PAK6: variants seen among roughly 807,000 people sequenced by gnomAD.
PAK6 encodes the protein p21 (RAC1) activated kinase 6, also known as serine/threonine-protein kinase PAK 6.
A neutral mutation model predicts 60.8 loss-of-function variants in PAK6; 33 were observed. The ratio of observed to expected loss-of-function variants is 0.54; its 90% confidence interval spans 0.41 to 0.73. The LOEUF is 0.73. Among genes scored for constraint, PAK6 ranks in the 30% least tolerant of loss-of-function variants. The probability of loss-of-function intolerance (pLI) is 0.00; values close to 1 mark genes in which losing one functional copy is unlikely to be tolerated. For missense variants in PAK6, 845 were observed against 904.1 expected (o/e 0.93, Z 0.84); for synonymous variants, 404 against 378.5 (o/e 1.07, Z -0.78).
intron 2 of PAK6, chr15:40,252,839 G>A (rs2038722446): frequency 7.8e-7 from 1 of 1,282,686 alleles, no homozygotes. Context: ...GGAGCTCCGC[G>A]TCCCTGGAGC....
chr15:40,249,640 T>A (rs986881939), intron 2 of PAK6, among the ~76,000 whole-genome samples: 1 of 152,244 alleles, frequency 6.6e-6, no homozygotes, highest in Non-Finnish European at 1.5e-5. Context: ...TTTCAAGTCA[T>A]GGAGCAGAAA....
At chr15:40,264,344 T>C (rs1847382829) in intron 3 of PAK6, 1 of 409,598 alleles carries the variant, frequency 2.4e-6, no homozygotes, top group African/African-American at 2.1e-5. Context: ...TTTCTTGCAC[T>C]CTCCTTATCT....
intron 3 of PAK6, chr15:40,263,755 C>T (rs143034395): frequency 1.8e-5 from 7 of 380,374 alleles, no homozygotes; most frequent in African/African-American, 1.0e-4. Flanking sequence ...TCCGGGACTA[C>T]AGGCACGTGC....
chr15:40,248,705 G>C (rs2038567758), intron 2 of PAK6, among the ~76,000 whole-genome samples: 1 of 151,476 alleles, frequency 6.6e-6, no homozygotes, highest in Admixed American at 6.6e-5. Context: ...GTGTTACACA[G>C]AAATAGGAAG....
intron 3 of PAK6, among the ~76,000 whole-genome samples, chr15:40,255,738 A>G (rs999608056): frequency 9.2e-5 from 14 of 152,144 alleles, no homozygotes; most frequent in Admixed American, 9.2e-4. Flanking sequence ...CCACACAAGG[A>G]TCAGCGAGGG....
chr15:40,274,240 G>A (rs375706027), exon 10 of PAK6: 6 of 1,612,574 alleles, frequency 3.7e-6, no homozygotes, highest in Non-Finnish European at 5.1e-6. Flanking sequence ...AGAGGCTCCG[G>A]GACAGCCCCC....
In PAK6 at chr15:40,248,718, A is replaced by G. The variant is rs774486228; in HGVS notation, c.-117-4460A>G. Among the ~76,000 whole-genome samples, 7 of 149,498 alleles carry G rather than the reference A, an allele frequency of 4.7e-5. No individual in the cohort carries two copies. The East Asian group carries it at 6.0e-4, about 13-fold the overall frequency. On this transcript the variant is annotated intron_variant, in intron 2 of 10. Transcript: ENST00000560346. ...GCGTGTTACACAGAAATAGGAAGGG[A>G]CGGTCCTCCTACCCGCACCCCAGCC...
rs202073596 is a variant in PAK6, at chr15:40,266,010, G to A, written c.373G>A (p.Asp125Asn). 4.1e-5 allele frequency: 65 copies of A among 1,600,850 alleles called. 1 individual carries two copies. The highest frequency in any genetic ancestry group is 2.9e-4 in the Admixed American group (17 of 58,142). The change falls in exon 5 of 11, where the codon GAC (aspartate) becomes AAC (asparagine). Residue 125 changes from aspartate (D) to asparagine (N), a missense_variant. Asp to Asn is a conservative substitution (Grantham distance 23). Coordinates refer to ENST00000560346, the Ensembl canonical transcript of PAK6. ...GCTGGGGGATGAGCACTGGGCCACC[G>A]ACCCAGACATGTACCTCCAGAGCCC...
intron 1 of PAK6, among the ~76,000 whole-genome samples, chr15:40,240,335 C>T (rs1030486051): frequency 4.6e-5 from 7 of 152,206 alleles, no homozygotes; most frequent in Non-Finnish European, 1.0e-4. Context: ...ATGATCAGGA[C>T]CCAGCGGGTG....
chr15:40,276,175 CTCCTCCTCTCAGTAT>C, exon 11 of PAK6: 1 of 1,283,668 alleles, frequency 7.8e-7, no homozygotes, highest in Non-Finnish European at 1.1e-6. Context: ...ACTTGCCTGC[CTCCTCCTCTCAGTAT>C]TCTCTCCAAA....
chr15:40,272,293 C>T, exon 6 of PAK6: 1 of 1,613,996 alleles, frequency 6.2e-7, no homozygotes, highest in Admixed American at 1.7e-5. Flanking sequence ...CCAGTCCTTG[C>T]CCTCGGACCA....
intron 2 of PAK6, chr15:40,252,291 G>C (rs969896778): frequency 2.5e-6 from 3 of 1,221,588 alleles, no homozygotes; most frequent in Non-Finnish European, 3.1e-6. Flanking sequence ...GCGCTCAGCT[G>C]ATTCTCCAGG....
intron 2 of PAK6, among the ~76,000 whole-genome samples, chr15:40,249,925 T>C (rs543560142): frequency 6.6e-6 from 1 of 152,332 alleles, no homozygotes; most frequent in African/African-American, 2.4e-5. Context: ...GTTTTGGGTG[T>C]CTCTTCCAGA....
At chr15:40,262,927 A>C (rs773078878) in intron 3 of PAK6, among the ~76,000 whole-genome samples, 2 of 152,182 alleles carry the variant, frequency 1.3e-5, no homozygotes, top group Admixed American at 6.5e-5. Context: ...CAACTCACAC[A>C]GGTTGTTTTA....
At chr15:40,265,460 C>T (rs2039098517) in intron 4 of PAK6, among the ~76,000 whole-genome samples, 1 of 152,174 alleles carries the variant, frequency 6.6e-6, no homozygotes, top group East Asian at 1.9e-4. Flanking sequence ...GAGCCCCCGG[C>T]CTGGTGTCTC....
intron 2 of PAK6, chr15:40,246,492 A>T (rs60667177): frequency 0.082 from 12,436 of 152,188 alleles, 755 homozygotes; most frequent in East Asian, 0.15. Flanking sequence ...CTGGGGAGGG[A>T]TGGAGCCAGC....
chr15:40,277,049 G>C (rs900559638), exon 11 of PAK6: 2 of 152,194 alleles, frequency 1.3e-5, no homozygotes, highest in Admixed American at 6.5e-5. Context: ...TGTAAGGATT[G>C]GCAACTGTGT....
exon 1 of PAK6, chr15:40,239,588 G>A (rs1204157771): frequency 6.6e-6 from 1 of 152,604 alleles, no homozygotes; most frequent in Non-Finnish European, 1.5e-5. Flanking sequence ...TGTGGCAGCA[G>A]GCAGAGTGCA....
chr15:40,261,593 T>G (rs965844096), intron 3 of PAK6, among the ~76,000 whole-genome samples: 3 of 152,150 alleles, frequency 2.0e-5, no homozygotes, highest in African/African-American at 7.2e-5. Flanking sequence ...ATTCACTCCC[T>G]TAATCCCAGT....
Sources: gnomAD v4.1 joint callset for allele counts (sites outside exome capture counted in the v4.1 genomes callset) on GRCh38, gnomAD v4.1.1 for gene constraint, MANE v1.5 for transcripts, NCBI Gene and HGNC (gene_info 2026-07-23, HGNC 2026-07-21) for gene names.